Variants in FGF12 observed in about 807,000 individuals in gnomAD.
FGF12 encodes the protein fibroblast growth factor 12.
FGF12 carries 14 observed loss-of-function variants against 23.6 expected under a neutral mutation model. That is an observed-to-expected ratio of 0.59 (90% confidence interval 0.39 to 0.93). The LOEUF (loss-of-function observed/expected upper bound fraction) is 0.93, where lower values mean the gene tolerates loss of function less well. Among genes scored for constraint, FGF12 ranks in the 40% least tolerant of loss-of-function variants. The probability of loss-of-function intolerance (pLI) is 0.00; values close to 1 mark genes in which losing one functional copy is unlikely to be tolerated. For synonymous variants in FGF12, 62 were observed against 77.3 expected (o/e 0.80, Z 1.04); for missense variants, 175 against 217.8 (o/e 0.80, Z 1.24).
intron 4 of FGF12, among the ~76,000 whole-genome samples, chr3:192,193,550 C>G (rs1466606899): frequency 1.3e-5 from 2 of 152,144 alleles, no homozygotes; most frequent in Non-Finnish European, 2.9e-5. Context: ...ATTTGACATT[C>G]TCTTACCAAA....
At chr3:192,568,445 C>T (rs1712445668) in intron 2 of FGF12, among the ~76,000 whole-genome samples, 1 of 152,114 alleles carries the variant, frequency 6.6e-6, no homozygotes, top group Non-Finnish European at 1.5e-5. Context: ...AATCTGACAC[C>T]ATTTTGCTGT....
At chr3:192,212,272 T>G (rs1717968381) in intron 4 of FGF12, among the ~76,000 whole-genome samples, 2 of 152,178 alleles carry the variant, frequency 1.3e-5, no homozygotes, top group South Asian at 4.1e-4. Flanking sequence ...GATTTAAAGC[T>G]AGAAACAAAT....
At chr3:192,221,007 G>T (rs1718444364) in intron 4 of FGF12, among the ~76,000 whole-genome samples, 1 of 152,162 alleles carries the variant, frequency 6.6e-6, no homozygotes, top group Non-Finnish European at 1.5e-5. Flanking sequence ...TGACAAAGAG[G>T]TGAGTTAATG....
chr3:192,306,224 T>C (rs1050933180), intron 4 of FGF12, among the ~76,000 whole-genome samples: 11 of 152,188 alleles, frequency 7.2e-5, no homozygotes, highest in Non-Finnish European at 1.6e-4. Flanking sequence ...TTTTTGTTTA[T>C]ATGATTTCAA....
chr3:192,596,091 C>A (rs1192350416), intron 2 of FGF12, among the ~76,000 whole-genome samples: 4 of 49,548 alleles, frequency 8.1e-5, no homozygotes, highest in Non-Finnish European at 1.7e-4. Flanking sequence ...GACCCTGACT[C>A]AAAAATATAA....
intron 2 of FGF12, among the ~76,000 whole-genome samples, chr3:192,365,774 C>T (rs2366657): frequency 0.32 from 48,307 of 151,618 alleles, 7,944 homozygotes; most frequent in African/African-American, 0.38. Context: ...CTGACACATG[C>T]TGGAGCTATC....
intron 2 of FGF12, among the ~76,000 whole-genome samples, chr3:192,369,070 G>C (rs1719111207): frequency 6.6e-6 from 1 of 152,170 alleles, no homozygotes; most frequent in South Asian, 2.1e-4. Context: ...AGAGGTGCTT[G>C]TTTACACCCC....
chr3:192,646,043 A>C (rs1715994836), intron 2 of FGF12, among the ~76,000 whole-genome samples: 1 of 152,134 alleles, frequency 6.6e-6, no homozygotes, highest in Non-Finnish European at 1.5e-5. Flanking sequence ...AATCACCCCA[A>C]GTGGGAACAG....
chr3:192,556,454 A>G (rs1005242127), intron 2 of FGF12, among the ~76,000 whole-genome samples: 1 of 152,194 alleles, frequency 6.6e-6, no homozygotes, highest in African/African-American at 2.4e-5. Context: ...TAAAATGTCA[A>G]TTTACCAGGA....
intron 2 of FGF12, among the ~76,000 whole-genome samples, chr3:192,478,997 T>C (rs2108817980): frequency 6.6e-6 from 1 of 152,298 alleles, no homozygotes; most frequent in African/African-American, 2.4e-5. Flanking sequence ...CGGTTGTACA[T>C]ATTGATCAAA....
intron 2 of FGF12, among the ~76,000 whole-genome samples, chr3:192,380,955 G>A (rs1021829009): frequency 2.7e-5 from 4 of 149,314 alleles, no homozygotes; most frequent in Admixed American, 1.3e-4. Context: ...TTTATATATA[G>A]TATATATTTA....
chr3:192,281,323 C>T (rs953278488), intron 4 of FGF12, among the ~76,000 whole-genome samples: 9 of 152,084 alleles, frequency 5.9e-5, no homozygotes, highest in South Asian at 2.1e-4. Context: ...TGTCTTCACA[C>T]GGCCTTCTAC....
rs190025961 is a variant in FGF12 at position 192,144,076 on chromosome 3, C to T, written c.479G>A (p.Arg160His). Residue 160 changes from arginine to histidine, a missense_variant, in exon 6 of 6, where the codon CGT becomes CAT. Transcript: ENST00000445105. Reference protein sequence around the residue: ...SLHEIGEKQGRSRKSSGTPTM... With the variant: ...SLHEIGEKQGHSRKSSGTPTM... ...TGGTGTTCCAGAACTTTTCCTTGAA[C>T]GCCCTTGTTTTTCTCCAATTTCATG... 16 of 1,613,694 alleles carry T rather than the reference C, an allele frequency of 9.9e-6. No individual in the cohort carries two copies. In the East Asian group the frequency reaches 1.1e-4, roughly 11 times the overall value.
Position 192,167,758 on chromosome 3 carries a change from TATATATATATAA to T in FGF12, c.427+2688_427+2699del, listed in dbSNP as rs1393690253. Among the ~76,000 whole-genome samples, 126 of 33,216 alleles carry T rather than the reference TATATATATATAA, an allele frequency of 3.8e-3. 7 individuals are homozygous for T. Among genetic ancestry groups the T allele is most frequent in the African/African-American group, 0.014 (114 of 7,924 alleles). 21.8% of individuals were successfully genotyped at this position (33,216 alleles called of 152,430 possible). ...ATATATATATATATATATATATATA[TATATATATATAA>T]AATTTTTTTTTTTTTTTTTTTTTGA... On this transcript the variant is annotated intron_variant, in intron 5 of 5. Coordinates refer to ENST00000445105, the MANE Select transcript of FGF12 (RefSeq NM_004113.6).
intron 2 of FGF12, among the ~76,000 whole-genome samples, chr3:192,554,954 T>C (rs1711700646): frequency 6.6e-6 from 1 of 151,844 alleles, no homozygotes; most frequent in South Asian, 2.1e-4. Flanking sequence ...ATTGGTAAAC[T>C]CAAAGACAGG....
chr3:192,248,829 G>A (rs1711812619), intron 4 of FGF12, among the ~76,000 whole-genome samples: 1 of 152,038 alleles, frequency 6.6e-6, no homozygotes, highest in Non-Finnish European at 1.5e-5. Context: ...TCTTTAGAAA[G>A]CATTTTATTT....
At chr3:192,627,845 T>A (rs1046412225) in intron 2 of FGF12, among the ~76,000 whole-genome samples, 1 of 148,420 alleles carries the variant, frequency 6.7e-6, no homozygotes, top group Non-Finnish European at 1.5e-5. Context: ...GTACTCTGTG[T>A]GTGTGCATGT....
chr3:192,636,494 TAACA>T (rs1715588821), intron 2 of FGF12, among the ~76,000 whole-genome samples: 1 of 152,224 alleles, frequency 6.6e-6, no homozygotes, highest in Admixed American at 6.5e-5. Context: ...AGTCAATTCT[TAACA>T]AATAGTTTCA....
chr3:192,566,990 G>C (rs1712324786), intron 2 of FGF12, among the ~76,000 whole-genome samples: 1 of 152,130 alleles, frequency 6.6e-6, no homozygotes, highest in Non-Finnish European at 1.5e-5. Flanking sequence ...GTCAGCAGCT[G>C]TAATGCTAGT....
Sources: allele counts gnomAD v4.1 joint callset (sites outside exome capture counted in the v4.1 genomes callset), GRCh38; gene constraint gnomAD v4.1.1; transcripts MANE v1.5; gene names NCBI Gene and HGNC (gene_info 2026-07-23, HGNC 2026-07-21).